STXBP5L: variants seen among roughly 807,000 people sequenced by gnomAD.
STXBP5L encodes syntaxin binding protein 5L.
STXBP5L carries 65 observed loss-of-function variants against 144.5 expected under a neutral mutation model. The ratio of observed to expected loss-of-function variants is 0.45; its 90% confidence interval spans 0.37 to 0.55. STXBP5L has a LOEUF of 0.55. Among genes scored for constraint, STXBP5L ranks in the 20% least tolerant of loss-of-function variants. The pLI is 0.00. For missense variants in STXBP5L, 1,298 were observed against 1,405.5 expected (o/e 0.92, Z 1.22); for synonymous variants, 505 against 469.6 (o/e 1.08, Z -0.97).
Position 121,166,537 on chromosome 3 carries a change from C to A in STXBP5L, c.877+8910C>A, listed in dbSNP as rs572637424. 3.3e-5 allele frequency among the ~76,000 whole-genome samples: 5 copies of A among 152,212 alleles called. No homozygotes were observed. In the East Asian group the frequency reaches 9.7e-4, roughly 29 times the overall value. The stretch of plus-strand genomic sequence containing the variant: ...TTTGCAAATCTAATAATCTTTTGGT[C>A]TTTGGGATAATATCCTTTATTTCTT... On this transcript the variant is annotated intron_variant, in intron 9 of 26. Transcript: ENST00000471454.
chr3:121,080,663 G>A (rs528201086), intron 5 of STXBP5L, among the ~76,000 whole-genome samples: 2 of 152,234 alleles, frequency 1.3e-5, no homozygotes, highest in African/African-American at 4.8e-5. Flanking sequence ...ATCCCTTCTG[G>A]CTTGAATCCC....
At chr3:121,212,056 A>T (rs577148824) in intron 10 of STXBP5L, among the ~76,000 whole-genome samples, 9 of 151,894 alleles carry the variant, frequency 5.9e-5, no homozygotes, top group African/African-American at 1.9e-4. Flanking sequence ...CTTTTAGATG[A>T]GGTTGTTTGT....
intron 9 of STXBP5L, among the ~76,000 whole-genome samples, chr3:121,173,352 T>C (rs896264367): frequency 6.8e-6 from 1 of 147,952 alleles, no homozygotes; most frequent in African/African-American, 2.5e-5. Context: ...ATAATAATAA[T>C]GATAATAGAA....
rs550601273 is a variant in STXBP5L at position 121,062,785 on chromosome 3, G to T, written c.470+17250G>T. Among the ~76,000 whole-genome samples, 5 of 151,746 alleles carry T rather than the reference G, an allele frequency of 3.3e-5. No individual in the cohort carries two copies. In the South Asian group the frequency reaches 1.0e-3, roughly 32 times the overall value. ...CTTCATTCTTGACATTCTTTCTTCC[G>T]CCTGATTGATTTGTCTATTGATACT... On this transcript the variant is annotated intron_variant, in intron 5 of 26. Coordinates refer to ENST00000471454, the MANE Select transcript of STXBP5L (RefSeq NM_001308330.2).
chr3:121,241,079 A>G (rs2049649647), intron 14 of STXBP5L, among the ~76,000 whole-genome samples: 1 of 152,170 alleles, frequency 6.6e-6, no homozygotes, highest in Non-Finnish European at 1.5e-5. Context: ...TCTGGATATT[A>G]CATATAAGAC....
intron 5 of STXBP5L, among the ~76,000 whole-genome samples, chr3:121,059,714 C>T (rs2041165753): frequency 1.3e-5 from 2 of 151,966 alleles, no homozygotes; most frequent in Admixed American, 1.3e-4. Context: ...TGTATTCCTA[C>T]GTATTTTATT....
rs143889603 is a variant in STXBP5L at position 121,301,422 on chromosome 3, T to C, written c.2111-17053T>C. 7.8e-4 allele frequency among the ~76,000 whole-genome samples: 119 copies of C among 152,320 alleles called. 1 individual carries two copies. The East Asian group carries it at 0.022, about 29-fold the overall frequency. On this transcript the variant is annotated intron_variant, in intron 19 of 26. Transcript: ENST00000471454. ...TATCCTGAGACTTTGCTGAAGTTGG[T>C]TATCAGCTTAAGGAGATTTTGGGCT...
At chr3:121,167,395 T>A (rs1353538486) in intron 9 of STXBP5L, among the ~76,000 whole-genome samples, 1 of 152,158 alleles carries the variant, frequency 6.6e-6, no homozygotes, top group African/African-American at 2.4e-5. Context: ...TAAAGATATT[T>A]TAGCTGCTAA....
At chr3:120,988,824 C>T (rs1290159812) in intron 3 of STXBP5L, among the ~76,000 whole-genome samples, 4 of 152,038 alleles carry the variant, frequency 2.6e-5, no homozygotes, top group Admixed American at 2.0e-4. Flanking sequence ...CCCACTCTTC[C>T]ACTTTTCTGA....
At chr3:121,376,854 C>A (rs1281893739) in intron 20 of STXBP5L, among the ~76,000 whole-genome samples, 4 of 152,116 alleles carry the variant, frequency 2.6e-5, no homozygotes, top group Non-Finnish European at 4.4e-5. Flanking sequence ...TTCTTCCTAT[C>A]CATGAGCATG....
intron 18 of STXBP5L, among the ~76,000 whole-genome samples, chr3:121,273,352 G>A (rs2050785545): frequency 6.6e-6 from 1 of 151,430 alleles, no homozygotes; most frequent in South Asian, 2.1e-4. Context: ...CTCTGGTGCT[G>A]TATGGTTTCT....
intron 5 of STXBP5L, among the ~76,000 whole-genome samples, chr3:121,075,197 G>A: frequency 6.6e-6 from 1 of 152,104 alleles, no homozygotes; most frequent in East Asian, 1.9e-4. Context: ...GTCCTTGATT[G>A]TTGCCTCTAT....
At chr3:121,362,214 A>G in intron 20 of STXBP5L, among the ~76,000 whole-genome samples, 1 of 152,184 alleles carries the variant, frequency 6.6e-6, no homozygotes, top group African/African-American at 2.4e-5. Context: ...CACCACTACT[A>G]TTATTGTGAT....
chr3:121,101,680 G>A (rs2043434619), intron 5 of STXBP5L, among the ~76,000 whole-genome samples: 1 of 151,990 alleles, frequency 6.6e-6, no homozygotes, highest in African/African-American at 2.4e-5. Context: ...AACGAGACAA[G>A]GATGCTCACT....
intron 3 of STXBP5L, among the ~76,000 whole-genome samples, chr3:120,970,830 G>A (rs1940165009): frequency 6.6e-6 from 1 of 151,892 alleles, no homozygotes; most frequent in Admixed American, 6.6e-5. Context: ...AACTTATATT[G>A]AGCACAGGAA....
chr3:120,993,137 T>C (rs551799382), intron 3 of STXBP5L, among the ~76,000 whole-genome samples: 2 of 152,008 alleles, frequency 1.3e-5, no homozygotes, highest in East Asian at 3.9e-4. Flanking sequence ...GCCCAGTTTT[T>C]AATGGGATTA....
chr3:121,164,165 A>G (rs1246091901), intron 9 of STXBP5L, among the ~76,000 whole-genome samples: 2 of 152,064 alleles, frequency 1.3e-5, no homozygotes, highest in African/African-American at 4.8e-5. Flanking sequence ...TCTCTTTATA[A>G]CTCCATTAAA....
Position 121,165,448 on chromosome 3 carries a change from T to C in STXBP5L, c.877+7821T>C, listed in dbSNP as rs546092264. Among the ~76,000 whole-genome samples, 9 of 152,322 alleles carry C rather than the reference T, an allele frequency of 5.9e-5. No individual in the cohort carries two copies. The South Asian group carries it at 1.7e-3, about 28-fold the overall frequency. On this transcript the variant is annotated intron_variant, in intron 9 of 26. Coordinates refer to ENST00000471454, the MANE Select transcript of STXBP5L (RefSeq NM_001308330.2). ...CACAATTTTCATTCTTTTGTGGTGA[T>C]TCATCCTTTCTGTGACTTCTATTAC...
intron 6 of STXBP5L, 74 bp downstream of exon 6, chr3:121,115,133 C>A (rs2107828752): frequency 1.4e-6 from 2 of 1,411,196 alleles, no homozygotes; most frequent in Non-Finnish European, 1.9e-6. Flanking sequence ...GGTCAAATTA[C>A]AGTTATTTGA....
Sources: gnomAD v4.1 joint callset for allele counts (sites outside exome capture counted in the v4.1 genomes callset) on GRCh38, gnomAD v4.1.1 for gene constraint, MANE v1.5 for transcripts, NCBI Gene and HGNC (gene_info 2026-07-23, HGNC 2026-07-21) for gene names.